MAN2A1: variants seen among roughly 807,000 people sequenced by gnomAD.
MAN2A1 encodes mannosidase alpha class 2A member 1, also known as alpha-mannosidase 2.
Under a neutral mutation model 142.6 loss-of-function variants are expected in MAN2A1, and 76 were observed. The ratio of observed to expected loss-of-function variants is 0.53; its 90% CI spans 0.44 to 0.65. The LOEUF (loss-of-function observed/expected upper bound fraction) is 0.65. Among genes scored for constraint, MAN2A1 ranks in the 30% least tolerant of loss-of-function variants. MAN2A1 has a pLI of 0.00. For synonymous variants in MAN2A1, 559 were observed against 473.2 expected, an observed-to-expected ratio of 1.18 and a Z score of -2.35; for missense variants, 1,311 against 1,365.1, an observed-to-expected ratio of 0.96 and a Z score of 0.62.
intron 12 of MAN2A1, among the ~76,000 whole-genome samples, chr5:109,803,208 A>T (rs1754077977): frequency 6.6e-6 from 1 of 152,062 alleles, no homozygotes; most frequent in South Asian, 2.1e-4. Flanking sequence ...TTTATTTGTG[A>T]AAGTAATTAA....
chr5:109,702,128 A>C (rs1430756778), intron 1 of MAN2A1, among the ~76,000 whole-genome samples: 3 of 152,212 alleles, frequency 2.0e-5, no homozygotes, highest in Non-Finnish European at 4.4e-5. Flanking sequence ...TAATGAAATA[A>C]AGCAGCTTGT....
At chr5:109,788,836 T>TGAA in intron 10 of MAN2A1, 98 bp from the exon 11 acceptor site, 1 of 630,710 alleles carries the variant, frequency 1.6e-6, no homozygotes, top group Non-Finnish European at 2.9e-6. Context: ...GAATACAAGA[T>TGAA]GAAGATACTG....
At chr5:109,764,343 C>G (rs1033394255) in intron 5 of MAN2A1, among the ~76,000 whole-genome samples, 3 of 152,026 alleles carry the variant, frequency 2.0e-5, no homozygotes, top group African/African-American at 7.2e-5. Flanking sequence ...ACAGTTTTTA[C>G]TTTTATACTT....
At chr5:109,774,579 TA>T (rs902953629) in intron 7 of MAN2A1, among the ~76,000 whole-genome samples, 92 of 152,282 alleles carry the variant, frequency 6.0e-4, no homozygotes, top group African/African-American at 2.0e-3. Flanking sequence ...AATTTATGAA[TA>T]TTTTTAAAGG....
At chr5:109,708,424 G>C (rs928362103) in intron 1 of MAN2A1, among the ~76,000 whole-genome samples, 1 of 151,376 alleles carries the variant, frequency 6.6e-6, no homozygotes, top group Admixed American at 6.6e-5. Flanking sequence ...TGATAATCCC[G>C]GTACATGAAG....
At chr5:109,806,165 T>G (rs1434898786) in intron 12 of MAN2A1, among the ~76,000 whole-genome samples, 1 of 152,096 alleles carries the variant, frequency 6.6e-6, no homozygotes, top group African/African-American at 2.4e-5. Context: ...GGATTCTGAG[T>G]GCTCTAGTTG....
intron 12 of MAN2A1, among the ~76,000 whole-genome samples, chr5:109,808,162 T>G (rs1306533993): frequency 2.6e-5 from 4 of 152,190 alleles, no homozygotes; most frequent in Admixed American, 2.6e-4. Context: ...ATCTTGAAAA[T>G]AACATTATTT....
intron 5 of MAN2A1, among the ~76,000 whole-genome samples, chr5:109,759,962 T>TATAG (rs1035592534): frequency 0.077 from 3,778 of 49,350 alleles, 57 homozygotes; most frequent in Non-Finnish European, 0.094. Flanking sequence ...TATATATATA[T>TATAG]ATAGATAGAT....
At chr5:109,740,858 G>A (rs566939438) in intron 4 of MAN2A1, among the ~76,000 whole-genome samples, 1 of 152,258 alleles carries the variant, frequency 6.6e-6, no homozygotes, top group East Asian at 1.9e-4. Context: ...CCTGCGGATG[G>A]CCTGTTTCTC....
chr5:109,742,050 C>T (rs899117533), intron 4 of MAN2A1, among the ~76,000 whole-genome samples: 1 of 152,176 alleles, frequency 6.6e-6, no homozygotes, highest in Admixed American at 6.5e-5. Context: ...GTTTATAATA[C>T]ATCAAAATGT....
intron 12 of MAN2A1, among the ~76,000 whole-genome samples, chr5:109,799,953 T>C (rs780240629): frequency 4.0e-5 from 6 of 151,884 alleles, no homozygotes; most frequent in Non-Finnish European, 7.4e-5. Context: ...CCGGGAGTGG[T>C]AGCATGCACC....
intron 2 of MAN2A1, among the ~76,000 whole-genome samples, chr5:109,714,191 T>C (rs904062975): frequency 5.3e-5 from 8 of 151,580 alleles, no homozygotes; most frequent in East Asian, 1.9e-4. Flanking sequence ...TTTTTTTTTT[T>C]CTTAATATCC....
chr5:109,827,823 G>A (rs985770293), intron 16 of MAN2A1, among the ~76,000 whole-genome samples: 4 of 152,040 alleles, frequency 2.6e-5, no homozygotes, highest in East Asian at 1.9e-4. Context: ...TAATGAAGGC[G>A]TGGCACGGTG....
intron 3 of MAN2A1, 135 bp downstream of exon 3, chr5:109,716,399 C>G (rs1751453965): frequency 1.6e-6 from 1 of 627,322 alleles, no homozygotes; most frequent in Non-Finnish European, 2.7e-6. Flanking sequence ...TAATATATTC[C>G]TTTTATGTGT....
intron 1 of MAN2A1, 140 bp from the exon 2 acceptor site, chr5:109,713,380 G>C (rs921751398): frequency 1.8e-5 from 10 of 570,466 alleles, no homozygotes; most frequent in Non-Finnish European, 2.6e-5. Flanking sequence ...TGCTTTCTGC[G>C]ATCCCACTTA....
chr5:109,770,642 T>G lies in MAN2A1; in HGVS notation c.1196+101T>G, dbSNP rs1341392275. ...ACAAATGGGCTTTATTAGCCAACAT[T>G]ATCCTTGTTTGAAGTATTCATTCAA... On this transcript the variant is annotated intron_variant, in intron 7 of 21. Coordinates refer to ENST00000261483, the MANE Select transcript of MAN2A1 (RefSeq NM_002372.4). 3.8e-6 allele frequency: 4 copies of G among 1,041,472 alleles called. No individual in the cohort carries two copies. In the East Asian group the frequency reaches 9.9e-5, roughly 26 times the overall value. The allele number at this position is 1,041,472 out of a possible 1,614,324, so 64.5% of individuals were successfully genotyped here. A position where few individuals can be genotyped will look rare whatever the true frequency, so the allele number is the denominator to read the frequency against.
chr5:109,787,012 GT>G (rs1402319492), intron 10 of MAN2A1, among the ~76,000 whole-genome samples: 1 of 152,038 alleles, frequency 6.6e-6, no homozygotes, highest in East Asian at 1.9e-4. Flanking sequence ...TGTGTATATA[GT>G]TACAAACTGG....
chr5:109,690,511 G>C lies in MAN2A1; in HGVS notation c.94G>C (p.Asp32His). 6.2e-7 allele frequency: 1 copy of C among 1,613,126 alleles called. No individual in the cohort carries two copies. Among genetic ancestry groups the C allele is most frequent in the South Asian group, 1.1e-5 (1 of 90,902 alleles). The change falls in exon 1 of 22, where the codon GAC becomes CAC. Residue 32 changes from aspartate (D) to histidine (H), a missense_variant. Asp to His is a moderately conservative substitution (Grantham distance 81). This residue lies in a region of MAN2A1 where 409 missense variants were observed against 412.7 expected (regional missense o/e 0.99). Coordinates refer to ENST00000261483, the MANE Select transcript of MAN2A1 (RefSeq NM_002372.4). ...LYLMLDRGHL[D>H]YPRNPRREGS... is the part of the protein sequence containing the mutation. Reference sequence around the variant, plus strand: ...CCTGATGCTGGACCGGGGTCACTTAGACTACCCCAGGAACCCGCGCCGCGA... The same window carrying C: ...CCTGATGCTGGACCGGGGTCACTTACACTACCCCAGGAACCCGCGCCGCGA...
chr5:109,781,525 C>T lies in MAN2A1; in HGVS notation c.1504C>T (p.His502Tyr). 1 of 1,613,240 alleles carries T rather than the reference C, an allele frequency of 6.2e-7. No individual in the cohort carries two copies. The highest frequency in any genetic ancestry group is 8.5e-7 in the Non-Finnish European group (1 of 1,179,650). ...TTTCACTTATGCCGATCGAGATGATCATTACTGGAGTGGCTATTTTACATC... is the reference window on the plus strand; with the variant it reads ...TTTCACTTATGCCGATCGAGATGATTATTACTGGAGTGGCTATTTTACATC... ...DFFTYADRDD[H>Y]YWSGYFTSRP... The change falls in exon 9 of 22, where the codon CAT (histidine) becomes TAT (tyrosine). Residue 502 changes from histidine to tyrosine, a missense_variant. His to Tyr is a moderately conservative substitution (Grantham distance 83). Around this residue, in one of 3 missense-constraint regions of MAN2A1, gnomAD observed 890 missense variants for 920.5 expected, o/e 0.97. Coordinates refer to ENST00000261483, the MANE Select transcript of MAN2A1 (RefSeq NM_002372.4).
Sources: gnomAD v4.1 joint callset for allele counts (sites outside exome capture counted in the v4.1 genomes callset) on GRCh38, gnomAD v4.1.1 for gene constraint, gnomAD v4.1.1 regional missense constraint, MANE v1.5 for transcripts, NCBI Gene and HGNC (gene_info 2026-07-23, HGNC 2026-07-21) for gene names.